ZNF254: variants seen among roughly 807,000 people sequenced by gnomAD.
The protein encoded by ZNF254 is CTD-2017D11.1.
Under a neutral mutation model 12.4 loss-of-function variants are expected in ZNF254, and 10 were observed. The observed-to-expected ratio is 0.80, with a 90% confidence interval of 0.50 to 1.36. The LOEUF (loss-of-function observed/expected upper bound fraction) is 1.36. Ranked by LOEUF, ZNF254 falls within the 40% of genes most tolerant of loss-of-function variation. ZNF254 has a pLI of 0.00. For missense variants in ZNF254, 996 were observed against 763.9 expected (o/e 1.30, Z -3.58); for synonymous variants, 305 against 253.4 (o/e 1.20, Z -1.93).
At position 24,127,843 on chromosome 19, in the gene ZNF254, T is replaced by G; in HGVS notation, c.1843T>G (p.Ser615Ala). Residue 615 changes from serine (S) to alanine (A), a missense_variant, in exon 4 of 4, where the codon TCA becomes GCA. Physicochemically the swap from Ser to Ala is moderately conservative, Grantham distance 99. Coordinates refer to ENST00000357002, the MANE Select transcript of ZNF254 (RefSeq NM_203282.4). ...EECGKAFFWS[S>A]TLTKHKRIHT... ...ATGTGGCAAAGCATTTTTCTGGTCCTCAACCCTAACTAAACATAAGAGAAT... is the reference window on the plus strand; with the variant it reads ...ATGTGGCAAAGCATTTTTCTGGTCCGCAACCCTAACTAAACATAAGAGAAT... The G allele has an allele frequency of 6.2e-7, 1 of 1,613,410 alleles. No individual in the cohort carries two copies. Among genetic ancestry groups the G allele is most frequent in the Non-Finnish European group, 8.5e-7 (1 of 1,179,738 alleles).
chr19:24,053,304 A>G (rs1322808110), intron 2 of ZNF254, among the ~76,000 whole-genome samples: 3 of 152,226 alleles, frequency 2.0e-5, no homozygotes, highest in Non-Finnish European at 4.4e-5. Flanking sequence ...ACTTACACCC[A>G]ACATACAGAG....
In ZNF254 at chr19:24,125,220, A is replaced by G. The variant is rs529524641; in HGVS notation, c.254-1034A>G. 3.1e-3 allele frequency among the ~76,000 whole-genome samples: 433 copies of G among 137,608 alleles called. 1 individual carries two copies. Among genetic ancestry groups the G allele is most frequent in the African/African-American group, 0.011 (419 of 37,596 alleles). The allele number at this position is 137,608 out of a possible 152,430, so 90.3% of individuals were successfully genotyped here. A position where few individuals can be genotyped will look rare whatever the true frequency, so the allele number is the denominator to read the frequency against. ...GTTTGTTGAGCTTTTTTATTTTTAC[A>G]TCTTTTTTTTTTTTTTTACTTTTAG... is the stretch of plus-strand genomic sequence containing the variant. On this transcript the variant is annotated intron_variant, in intron 3 of 3. Coordinates refer to ENST00000357002, the MANE Select transcript of ZNF254 (RefSeq NM_203282.4).
chr19:24,063,448 C>T (rs994470827), intron 2 of ZNF254, among the ~76,000 whole-genome samples: 2 of 152,220 alleles, frequency 1.3e-5, no homozygotes, highest in Admixed American at 6.5e-5. Flanking sequence ...TGAGTCGGCT[C>T]TTCTGCCTTG....
chr19:24,081,562 A>G lies in ZNF254; in HGVS notation c.-93-24378A>G, dbSNP rs1244425447. 2.6e-5 allele frequency among the ~76,000 whole-genome samples: 4 copies of G among 152,304 alleles called. No individual in the cohort carries two copies. In the East Asian group the frequency reaches 7.7e-4, roughly 29 times the overall value. The stretch of plus-strand genomic sequence containing the variant: ...ATATCTCGGCTTTTTATAGAAAAAT[A>G]ATTACTTAAAAGAGTAAACCAGGTA... On this transcript the variant is annotated intron_variant, in intron 2 of 4. Coordinates refer to the ZNF254 transcript ENST00000613065.
intron 2 of ZNF254, among the ~76,000 whole-genome samples, chr19:24,055,858 G>A (rs1375452389): frequency 6.6e-6 from 1 of 152,190 alleles, no homozygotes; most frequent in African/African-American, 2.4e-5. Flanking sequence ...TGTAACTCCT[G>A]TTCTTAGACA....
At chr19:24,067,802 T>G (rs1971332081) in intron 2 of ZNF254, among the ~76,000 whole-genome samples, 1 of 151,970 alleles carries the variant, frequency 6.6e-6, no homozygotes, top group Non-Finnish European at 1.5e-5. Context: ...CTACAAATAT[T>G]TTGCATTGTG....
intron 3 of ZNF254, among the ~76,000 whole-genome samples, chr19:24,121,844 C>CACACCAGGCT (rs2145965373): frequency 6.6e-6 from 1 of 152,244 alleles, no homozygotes; most frequent in Admixed American, 6.5e-5. Context: ...TGTGAGCCAC[C>CACACCAGGCT]ACACCAGGCT....
At chr19:24,034,488 G>GTT (rs963358053) in intron 1 of ZNF254, among the ~76,000 whole-genome samples, 4,057 of 107,306 alleles carry the variant, frequency 0.038, 202 homozygotes, top group Admixed American at 0.08. Flanking sequence ...AGGTAAGTGG[G>GTT]TTTTTTTTTT....
chr19:24,112,892 A>C (rs1490509890), intron 3 of ZNF254, among the ~76,000 whole-genome samples: 1 of 152,232 alleles, frequency 6.6e-6, no homozygotes. Flanking sequence ...ATCAGAGAAT[A>C]CTACAAACAC....
At chr19:24,074,895 AG>A (rs1299399936) in intron 2 of ZNF254, among the ~76,000 whole-genome samples, 1 of 152,132 alleles carries the variant, frequency 6.6e-6, no homozygotes, top group Non-Finnish European at 1.5e-5. Context: ...ATTTTCTGCT[AG>A]GGCTGTTTTC....
intron 3 of ZNF254, among the ~76,000 whole-genome samples, chr19:24,121,698 C>T (rs1261386296): frequency 1.3e-5 from 2 of 152,076 alleles, no homozygotes; most frequent in African/African-American, 2.4e-5. Flanking sequence ...GCTGGGATTA[C>T]AGGCGCCCAC....
At chr19:24,089,879 GAAAACAAAAC>G (rs918528382) in intron 1 of ZNF254, among the ~76,000 whole-genome samples, 5 of 151,622 alleles carry the variant, frequency 3.3e-5, no homozygotes, top group Non-Finnish European at 7.4e-5. Flanking sequence ...AAAATTTCTA[GAAAACAAAAC>G]AAAACAAAAC....
chr19:24,069,291 C>T lies in ZNF254; in HGVS notation c.-94+23012C>T, dbSNP rs1469395871. Among the ~76,000 whole-genome samples, 7 of 148,470 alleles carry T rather than the reference C, an allele frequency of 4.7e-5. No homozygotes were observed. In the Admixed American group the frequency reaches 4.7e-4, roughly 10 times the overall value. ...AAAATGCTGGGATTATAGGTGTGAG[C>T]CACTGCTCCCAGCCCAAGATTGTGT... On this transcript the variant is annotated intron_variant, in intron 2 of 4. Coordinates refer to the ZNF254 transcript ENST00000613065.
At chr19:24,114,129 T>A (rs891251537) in intron 3 of ZNF254, among the ~76,000 whole-genome samples, 9 of 151,820 alleles carry the variant, frequency 5.9e-5, no homozygotes, top group Non-Finnish European at 1.0e-4. Flanking sequence ...TTCAATGCCA[T>A]CCCCATCAAG....
rs1200745482 is a variant in ZNF254 at position 24,129,333 on chromosome 19, A to G, written c.*1353A>G. The G allele has an allele frequency of 6.6e-6, 1 of 152,062 alleles. No individual in the cohort carries two copies. The highest frequency in any genetic ancestry group is 1.5e-5 in the Non-Finnish European group (1 of 67,928). 9.4% of individuals were successfully genotyped at this position (152,062 alleles called of 1,614,324 possible). A position where few individuals can be genotyped will look rare whatever the true frequency, so the allele number is the denominator to read the frequency against. ...AGCTTTTCAATTCAACATTTTTAAC[A>G]TATTAAATACTATTGTGAATTCAAT... On this transcript the variant is annotated 3_prime_UTR_variant, in exon 4 of 4. Transcript: ENST00000357002.
intron 3 of ZNF254, among the ~76,000 whole-genome samples, chr19:24,122,509 A>T (rs147692765): frequency 6.6e-6 from 1 of 152,072 alleles, no homozygotes; most frequent in Non-Finnish European, 1.5e-5. Flanking sequence ...ACAGGTGTGA[A>T]CCACCATGCC....
intron 1 of ZNF254, among the ~76,000 whole-genome samples, chr19:24,092,769 A>C (rs944015008): frequency 6.6e-6 from 1 of 152,136 alleles, no homozygotes; most frequent in Non-Finnish European, 1.5e-5. Context: ...TGTAGTGAAC[A>C]CCCTTGTGCA....
chr19:24,092,820 A>G (rs1461310924), intron 1 of ZNF254, among the ~76,000 whole-genome samples: 2 of 152,244 alleles, frequency 1.3e-5, no homozygotes, highest in Non-Finnish European at 2.9e-5. Flanking sequence ...CTTTGGGTAT[A>G]TACCCAATTA....
chr19:24,101,994 T>A (rs948060721), intron 1 of ZNF254, among the ~76,000 whole-genome samples: 2 of 152,196 alleles, frequency 1.3e-5, no homozygotes, highest in African/African-American at 4.8e-5. Context: ...CTCAAAGAGA[T>A]AAACTAATTG....
Sources: gnomAD v4.1 joint callset for allele counts (sites outside exome capture counted in the v4.1 genomes callset) on GRCh38, gnomAD v4.1.1 for gene constraint, MANE v1.5 for transcripts, NCBI Gene and HGNC (gene_info 2026-07-23, HGNC 2026-07-21) for gene names.